The following TMEM87A variants were observed in gnomAD, a reference collection of about 807,000 sequenced individuals.
TMEM87A encodes transmembrane protein 87A, also known as Golgi-pH regulating cation channel.
In TMEM87A, 50 loss-of-function variants were observed where a neutral mutation model predicts 90.0. That is an observed-to-expected ratio of 0.56 (90% confidence interval 0.44 to 0.70). The LOEUF (loss-of-function observed/expected upper bound fraction) is 0.70. Among genes scored for constraint, TMEM87A ranks in the 30% least tolerant of loss-of-function variants. The pLI is 0.00. For synonymous variants in TMEM87A, 226 were observed against 226.7 expected, an observed-to-expected ratio of 1.00 and a Z score of 0.03; for missense variants, 577 against 660.5, an observed-to-expected ratio of 0.87 and a Z score of 1.39.
intron 2 of TMEM87A, 72 bp from the exon 3 acceptor site, chr15:42,268,104 A>G: frequency 7.6e-7 from 1 of 1,307,470 alleles, no homozygotes; most frequent in Non-Finnish European, 1.1e-6. Flanking sequence ...CTGTTAACCT[A>G]TATCCTATTC....
At chr15:42,247,476 A>T (rs946802197) in intron 6 of TMEM87A, among the ~76,000 whole-genome samples, 7 of 152,192 alleles carry the variant, frequency 4.6e-5, no homozygotes, top group African/African-American at 1.7e-4. Context: ...AGGTGTAAGG[A>T]AGGGATCCAG....
At chr15:42,236,449 A>T (rs751001293) in intron 9 of TMEM87A, 30 bp from the exon 10 acceptor site, 2 of 1,601,808 alleles carry the variant, frequency 1.2e-6, no homozygotes, top group Non-Finnish European at 1.7e-6. Flanking sequence ...AAATGGCACC[A>T]TAATCTAGGT....
chr15:42,264,699 A>ATATATATATATATATTTTTTTT (rs10681614), intron 3 of TMEM87A, among the ~76,000 whole-genome samples: 4 of 109,422 alleles, frequency 3.7e-5, no homozygotes, highest in Non-Finnish European at 5.7e-5. Context: ...ATATATATAT[A>ATATATATATATATATTTTTTTT]TTTTTTTTTT....
At chr15:42,215,260 G>A (rs1420846327) in intron 19 of TMEM87A, among the ~76,000 whole-genome samples, 2 of 152,190 alleles carry the variant, frequency 1.3e-5, no homozygotes, top group Non-Finnish European at 2.9e-5. Context: ...AGCATTTTGG[G>A]AGGCTGAGGT....
chr15:42,236,122 T>C (rs1403548021), intron 10 of TMEM87A, among the ~76,000 whole-genome samples, 198 bp downstream of exon 10: 1 of 152,212 alleles, frequency 6.6e-6, no homozygotes, highest in Non-Finnish European at 1.5e-5. Context: ...TTTGGAAGTA[T>C]GGAATATATT....
In TMEM87A at chr15:42,258,229, CA is replaced by C. The variant is rs945403881; in HGVS notation, c.504+2728del. On this transcript the variant is annotated intron_variant, in intron 6 of 19. Transcript: ENST00000389834. ...ATGTCCATGTTATATTGCTAAGCTA[CA>C]AAAAAAAGTCATATAATACATACTC... 1.7e-4 allele frequency: 153 copies of C among 901,628 alleles called. No individual in the cohort carries two copies. The African/African-American group carries it at 1.8e-3, about 11-fold the overall frequency. 55.9% of individuals were successfully genotyped at this position (901,628 alleles called of 1,614,324 possible). A position where few individuals can be genotyped will look rare whatever the true frequency, so the allele number is the denominator to read the frequency against.
intron 6 of TMEM87A, chr15:42,257,879 C>A (rs2140973883): frequency 7.1e-6 from 7 of 980,124 alleles, no homozygotes; most frequent in Middle Eastern, 5.3e-4. Context: ...ATAATATGAT[C>A]TTATTTTGGT....
At chr15:42,239,772 G>T in intron 7 of TMEM87A, 41 bp from the exon 8 acceptor site, 1 of 1,526,684 alleles carries the variant, frequency 6.6e-7, no homozygotes, top group Non-Finnish European at 9.1e-7. Context: ...ACAGGATGCA[G>T]AAATTAAACA....
intron 6 of TMEM87A, among the ~76,000 whole-genome samples, chr15:42,248,721 C>T (rs540834203): frequency 7.9e-5 from 12 of 152,246 alleles, no homozygotes; most frequent in South Asian, 6.2e-4. Context: ...CGATGTTCAT[C>T]GGGGATAGTG....
At chr15:42,223,503 G>A (rs2050534233) in intron 15 of TMEM87A, among the ~76,000 whole-genome samples, 1 of 152,220 alleles carries the variant, frequency 6.6e-6, no homozygotes, top group Admixed American at 6.5e-5. Flanking sequence ...AGTGTTGGGA[G>A]TTGGGCCTAA....
intron 6 of TMEM87A, among the ~76,000 whole-genome samples, chr15:42,248,371 G>A (rs1397075278): frequency 1.3e-5 from 2 of 152,164 alleles, no homozygotes; most frequent in Non-Finnish European, 2.9e-5. Context: ...AGTTTTCAAA[G>A]GGAATGCTTC....
At chr15:42,253,731 T>G (rs895429140) in intron 6 of TMEM87A, among the ~76,000 whole-genome samples, 1 of 152,218 alleles carries the variant, frequency 6.6e-6, no homozygotes, top group Non-Finnish European at 1.5e-5. Flanking sequence ...CTTCTTTCTT[T>G]GTTGAACTTT....
At chr15:42,273,229 C>A (rs763472215) in intron 1 of TMEM87A, 26 bp downstream of exon 1, 23 of 1,613,424 alleles carry the variant, frequency 1.4e-5, no homozygotes, top group Admixed American at 8.3e-5. Context: ...CCTCTAGGTT[C>A]AGACGTTAGT....
intron 6 of TMEM87A, among the ~76,000 whole-genome samples, chr15:42,249,924 A>G (rs984337573): frequency 6.6e-6 from 1 of 152,170 alleles, no homozygotes; most frequent in Non-Finnish European, 1.5e-5. Flanking sequence ...GTAGGTCTCT[A>G]AGGACTTGCT....
At chr15:42,273,535 G>C (rs2051609871), upstream of TMEM87A, 4 of 1,423,156 alleles carry the variant, frequency 2.8e-6, no homozygotes, top group Non-Finnish European at 3.7e-6. Flanking sequence ...GCGGCGTAGC[G>C]GCCCCTCTCT....
intron 2 of TMEM87A, 82 bp from the exon 3 acceptor site, chr15:42,268,114 C>T (rs2412681): frequency 0.98 from 1,128,732 of 1,149,230 alleles, 555,539 homozygotes; most frequent in Non-Finnish European, 1. Flanking sequence ...ATATCCTATT[C>T]ATTTCGTACC....
chr15:42,253,754 T>C (rs2051127772), intron 6 of TMEM87A, among the ~76,000 whole-genome samples: 1 of 152,188 alleles, frequency 6.6e-6, no homozygotes, highest in Non-Finnish European at 1.5e-5. Context: ...CCTTATTAAG[T>C]TTTGGTTAGA....
chr15:42,258,831 C>T, intron 6 of TMEM87A: 2 of 1,478,694 alleles, frequency 1.4e-6, no homozygotes, highest in South Asian at 1.4e-5. Context: ...GTAGTGAGAA[C>T]ACTTTCAGAA....
chr15:42,266,352 C>T (rs1036938157), intron 3 of TMEM87A, among the ~76,000 whole-genome samples: 11 of 152,056 alleles, frequency 7.2e-5, no homozygotes, highest in African/African-American at 2.7e-4. Flanking sequence ...CCCATCTTTA[C>T]TAAAAATACA....
Sources: allele counts gnomAD v4.1 joint callset (sites outside exome capture counted in the v4.1 genomes callset), GRCh38; gene constraint gnomAD v4.1.1; transcripts MANE v1.5; gene names NCBI Gene and HGNC (gene_info 2026-07-23, HGNC 2026-07-21).